KCNJ15: variants seen among roughly 807,000 people sequenced by gnomAD.
KCNJ15 encodes the protein ATP-sensitive inward rectifier potassium channel 15.
In KCNJ15, 14 loss-of-function variants were observed where a neutral mutation model predicts 23.0. The ratio of observed to expected loss-of-function variants is 0.61; its 90% CI spans 0.40 to 0.95. The LOEUF is 0.95. Among genes scored for constraint, KCNJ15 ranks in the 40% least tolerant of loss-of-function variants. The pLI is 0.00. For missense variants in KCNJ15, 388 were observed against 461.8 expected, an observed-to-expected ratio of 0.84 and a Z score of 1.46; for synonymous variants, 185 against 183.2, an observed-to-expected ratio of 1.01 and a Z score of -0.08.
At chr21:38,288,782 C>T (rs1283201822) in intron 1 of KCNJ15, among the ~76,000 whole-genome samples, 1 of 152,174 alleles carries the variant, frequency 6.6e-6, no homozygotes, top group African/African-American at 2.4e-5. Context: ...AGGCATGATC[C>T]AGTCTCAAGC....
chr21:38,238,232 G>A (rs1246717011), intron 1 of KCNJ15: 1 of 581,186 alleles, frequency 1.7e-6, no homozygotes, highest in Non-Finnish European at 3.3e-6. Flanking sequence ...GGCAGTCACG[G>A]ATGTAGCAGT....
At chr21:38,296,227 G>A (rs1439093559) in intron 1 of KCNJ15, among the ~76,000 whole-genome samples, 1 of 150,044 alleles carries the variant, frequency 6.7e-6, no homozygotes, top group East Asian at 1.9e-4. Flanking sequence ...AGATTGATTG[G>A]TGATATATAA....
chr21:38,291,376 A>T (rs1984597002), intron 1 of KCNJ15, among the ~76,000 whole-genome samples: 1 of 152,102 alleles, frequency 6.6e-6, no homozygotes, highest in African/African-American at 2.4e-5. Context: ...CCTGAGAGCA[A>T]TTTTCTACTA....
At chr21:38,243,282 T>G (rs1568982324) in intron 1 of KCNJ15, among the ~76,000 whole-genome samples, 1 of 152,198 alleles carries the variant, frequency 6.6e-6, no homozygotes, top group Non-Finnish European at 1.5e-5. Flanking sequence ...TACACTCAGG[T>G]GCTCAATAAT....
chr21:38,231,354 A>T (rs1988736748), intron 1 of KCNJ15, among the ~76,000 whole-genome samples: 1 of 151,968 alleles, frequency 6.6e-6, no homozygotes, highest in South Asian at 2.1e-4. Context: ...ATTACTTAAA[A>T]TTTCTACATA....
In KCNJ15 at chr21:38,299,918, C is replaced by T; in HGVS notation, c.657C>T (p.Thr219=). 2.5e-6 allele frequency: 4 copies of T among 1,614,028 alleles called. No homozygotes were observed. Among genetic ancestry groups the T allele is most frequent in the Non-Finnish European group, 3.4e-6 (4 of 1,180,020 alleles). Residue 219 remains threonine (T), a synonymous_variant, in exon 3 of 3, where the codon ACC becomes ACT. Coordinates refer to ENST00000398938, the MANE Select transcript of KCNJ15 (RefSeq NM_170736.3). The surrounding 1 kb of genome is among the most constrained non-coding windows in gnomAD (Gnocchi z 4.5). ...QCQLSGKLLQ[T]HVTKEGERIL... ...AGCTCTCTGGCAAGCTCCTGCAGACCCACGTCACCAAGGAGGGGGAGCGGA... is the reference window on the plus strand; with the variant it reads ...AGCTCTCTGGCAAGCTCCTGCAGACTCACGTCACCAAGGAGGGGGAGCGGA...
In KCNJ15 at chr21:38,303,900, G is replaced by A. The variant is rs1985947128; in HGVS notation, c.*3511G>A. On this transcript the variant is annotated 3_prime_UTR_variant, in exon 3 of 3. Transcript: ENST00000398938. Reference sequence around the variant, plus strand: ...GCTGGAGGGAGAAGAAGAGAAAAATGAAAGCACTAGGCCTTTGACTAGGTT... The same window carrying A: ...GCTGGAGGGAGAAGAAGAGAAAAATAAAAGCACTAGGCCTTTGACTAGGTT... 1 of 152,158 alleles carries A rather than the reference G, an allele frequency of 6.6e-6. No homozygotes were observed. The highest frequency in any genetic ancestry group is 1.5e-5 in the Non-Finnish European group (1 of 68,036). 9.4% of individuals were successfully genotyped at this position (152,158 alleles called of 1,614,324 possible).
At chr21:38,247,520 AGGTGGATG>A (rs981863005) in intron 1 of KCNJ15, among the ~76,000 whole-genome samples, 1 of 107,080 alleles carries the variant, frequency 9.3e-6, no homozygotes, top group African/African-American at 3.7e-5. Flanking sequence ...ATAGATGCAT[AGGTGGATG>A]GATGGATGGA....
chr21:38,235,383 G>A (rs540372960), intron 1 of KCNJ15, among the ~76,000 whole-genome samples: 4 of 152,042 alleles, frequency 2.6e-5, no homozygotes, highest in East Asian at 1.9e-4. Flanking sequence ...GTGAATCCTC[G>A]TCTCTACTAA....
At chr21:38,282,422 T>G (rs1379615366) in intron 1 of KCNJ15, among the ~76,000 whole-genome samples, 3 of 152,176 alleles carry the variant, frequency 2.0e-5, no homozygotes, top group Non-Finnish European at 4.4e-5. Flanking sequence ...CCCATAGTTT[T>G]TATCGGTTTT....
chr21:38,290,095 C>G (rs149743856), intron 1 of KCNJ15, among the ~76,000 whole-genome samples: 12 of 152,220 alleles, frequency 7.9e-5, no homozygotes, highest in African/African-American at 2.9e-4. Context: ...TTAGCCAGCT[C>G]TCTCACAAAT....
At chr21:38,273,416 C>A (rs143235187) in intron 1 of KCNJ15, among the ~76,000 whole-genome samples, 3 of 152,352 alleles carry the variant, frequency 2.0e-5, no homozygotes, top group Non-Finnish European at 4.4e-5. Context: ...GTATCCCTAG[C>A]TACTGTCATC....
chr21:38,249,256 T>G (rs1217500002), intron 1 of KCNJ15, among the ~76,000 whole-genome samples: 1 of 152,096 alleles, frequency 6.6e-6, no homozygotes, highest in Non-Finnish European at 1.5e-5. Context: ...GCCCAAGAGA[T>G]TGCAATGATT....
In KCNJ15 at chr21:38,244,925, G is replaced by A. The variant is rs116714680; in HGVS notation, c.-398-12121G>A. On this transcript the variant is annotated intron_variant, in intron 1 of 4. Coordinates refer to the KCNJ15 transcript ENST00000547341. ...TAAGATGTAATCAACGAACCAGATTGTGGCCTTGGAGCTGACCAAAGGATC... is the reference window on the plus strand; with the variant it reads ...TAAGATGTAATCAACGAACCAGATTATGGCCTTGGAGCTGACCAAAGGATC... Among the ~76,000 whole-genome samples the A allele has an allele frequency of 3.8e-3, 585 of 152,238 alleles. 5 individuals carry two copies. Among genetic ancestry groups the A allele is most frequent in the African/African-American group, 0.013 (537 of 41,534 alleles).
At chr21:38,295,152 T>C (rs1985010907) in intron 1 of KCNJ15, among the ~76,000 whole-genome samples, 1 of 152,266 alleles carries the variant, frequency 6.6e-6, no homozygotes, top group Admixed American at 6.5e-5. Context: ...TATATTACTT[T>C]TATTATTATT....
chr21:38,279,347 C>T (rs536771805), intron 1 of KCNJ15, among the ~76,000 whole-genome samples: 204 of 152,232 alleles, frequency 1.3e-3, no homozygotes, highest in Admixed American at 3.0e-3. Flanking sequence ...ACAAAGGTAA[C>T]ATCTGAAACC....
intron 1 of KCNJ15, among the ~76,000 whole-genome samples, chr21:38,240,921 G>T (rs1473825415): frequency 6.6e-6 from 1 of 152,118 alleles, no homozygotes; most frequent in Non-Finnish European, 1.5e-5. Flanking sequence ...AGCCACTGGT[G>T]TTCTGCTTAT....
intron 1 of KCNJ15, among the ~76,000 whole-genome samples, chr21:38,241,887 TG>T (rs1327189536): frequency 6.6e-5 from 10 of 151,098 alleles, no homozygotes; most frequent in Admixed American, 2.0e-4. Context: ...GAGAATCGCT[TG>T]AACCAGGGAG....
chr21:38,260,489 G>A (rs752009090), intron 1 of KCNJ15, among the ~76,000 whole-genome samples: 27 of 152,144 alleles, frequency 1.8e-4, no homozygotes, highest in Non-Finnish European at 2.4e-4. Context: ...GCCAATAGCC[G>A]CCACTATCCA....
Sources: gnomAD v4.1 joint callset for allele counts (sites outside exome capture counted in the v4.1 genomes callset) on GRCh38, gnomAD v4.1.1 for gene constraint, Gnocchi (gnomAD v3.1) non-coding constraint, MANE v1.5 for transcripts, NCBI Gene and HGNC (gene_info 2026-07-23, HGNC 2026-07-21) for gene names.